The following TRRAP variants were observed in gnomAD, a reference collection of about 807,000 sequenced individuals.
TRRAP encodes transformation/transcription domain-associated protein.
Under a neutral mutation model 438.8 loss-of-function variants are expected in TRRAP, and 41 were observed. That is an observed-to-expected ratio of 0.09 (90% CI 0.07 to 0.12). TRRAP has a LOEUF of 0.12. Ranked by LOEUF, TRRAP falls within the 10% of genes least tolerant of loss-of-function variation. The pLI, the probability that TRRAP is intolerant of heterozygous loss-of-function variation, is 1.00. For synonymous variants in TRRAP, 1,994 were observed against 1,962.9 expected (o/e 1.02, Z -0.42); for missense variants, 3,122 against 5,055.1 (o/e 0.62, Z 11.60).
chr7:98,973,445 C>T (rs1458727242), intron 53 of TRRAP, among the ~76,000 whole-genome samples: 1 of 152,188 alleles, frequency 6.6e-6, no homozygotes, highest in Non-Finnish European at 1.5e-5. Context: ...GAAGTTCTAG[C>T]AGTATGTTGT....
chr7:98,975,562 C>A (rs539513222), intron 53 of TRRAP, among the ~76,000 whole-genome samples: 2 of 152,320 alleles, frequency 1.3e-5, no homozygotes, highest in African/African-American at 4.8e-5. Context: ...CCTCCAGGCC[C>A]TCAGTTTCGA....
chr7:98,915,614 A>G, intron 18 of TRRAP, 109 bp from the exon 19 acceptor site: 2 of 1,379,726 alleles, frequency 1.4e-6, no homozygotes, highest in African/African-American at 1.5e-5. Flanking sequence ...GAGTAAACAC[A>G]TCAGAATTGC....
In TRRAP at chr7:99,012,115, T is replaced by C. The variant is rs1010750386; in HGVS notation, c.11382T>C (p.Ala3794=). The part of the protein sequence containing the change: ...LKTVLRDEII[A]WHKKTQEDTS... ...CGGTTCTCCGGGACGAGATCATTGC[T>C]TGGCACAAAAAAACACAAGAGGACA... is the stretch of plus-strand genomic sequence containing the variant. The change falls in exon 73 of 73, where the codon GCT becomes GCC. Residue 3794 remains alanine, a synonymous_variant. Coordinates refer to ENST00000456197, the MANE Select transcript of TRRAP (RefSeq NM_001375524.1). The surrounding 1 kb of genome is among the most constrained non-coding windows in gnomAD (Gnocchi z 5.9). 1 of 1,614,030 alleles carries C rather than the reference T, an allele frequency of 6.2e-7. No individual in the cohort carries two copies. Among genetic ancestry groups the C allele is most frequent in the Non-Finnish European group, 8.5e-7 (1 of 1,180,028 alleles).
In TRRAP at chr7:98,949,367, C is replaced by T. The variant is rs199912965; in HGVS notation, c.4789-50C>T. The T allele has an allele frequency of 2.6e-4, 373 of 1,440,524 alleles. 2 individuals are homozygous for T. In the African/African-American group the frequency reaches 4.6e-3, roughly 18 times the overall value. The allele number at this position is 1,440,524 out of a possible 1,614,324, so 89.2% of individuals were successfully genotyped here. A position where few individuals can be genotyped will look rare whatever the true frequency, so the allele number is the denominator to read the frequency against. ...TTTAACATTCATATCCTCTAACTTT[C>T]TGTGAGTTTGATTAGCTTAAAACGG... On this transcript the variant is annotated intron_variant, in intron 35 of 72. Transcript: ENST00000456197.
chr7:98,945,822 T>G, intron 32 of TRRAP, 22 bp downstream of exon 32: 2 of 1,596,512 alleles, frequency 1.3e-6, no homozygotes, highest in Non-Finnish European at 1.7e-6. Flanking sequence ...CTATTAACAG[T>G]CAGTTTCTGA....
At chr7:98,892,885 A>G (rs1554405143) in intron 5 of TRRAP, among the ~76,000 whole-genome samples, 3 of 152,104 alleles carry the variant, frequency 2.0e-5, no homozygotes, top group East Asian at 1.9e-4. Context: ...ACATGCTCAT[A>G]AAGAGTATCT....
rs781879192 is a variant in TRRAP, at chr7:98,911,281, T to C, written c.2007+10T>C. On this transcript the variant is annotated intron_variant, in intron 17 of 72. Coordinates refer to ENST00000456197, the MANE Select transcript of TRRAP (RefSeq NM_001375524.1). ...AAATTATGCTCTTCAGGTATAAAACTCCTTTTTTTATGTTGTTTGAACATT... is the reference window on the plus strand; with the variant it reads ...AAATTATGCTCTTCAGGTATAAAACCCCTTTTTTTATGTTGTTTGAACATT... 6.3e-7 allele frequency: 1 copy of C among 1,593,444 alleles called. No homozygotes were observed. Among genetic ancestry groups the C allele is most frequent in the Non-Finnish European group, 8.5e-7 (1 of 1,169,702 alleles).
Position 98,976,488 on chromosome 7 carries a change from C to A in TRRAP, c.7965C>A (p.Leu2655=), listed in dbSNP as rs549516963. 6.2e-7 allele frequency: 1 copy of A among 1,607,286 alleles called. No individual in the cohort carries two copies. Among genetic ancestry groups the A allele is most frequent in the East Asian group, 2.2e-5 (1 of 44,820 alleles). ...KILSDRQQHA[L]AGEISPFLCS... ...GACATGTGCTTTGGTTTCAGGCACT[C>A]GCGGGTGAGATAAGTCCATTTCTGT... Residue 2655 remains leucine, a synonymous_variant, in exon 55 of 73, where the codon CTC becomes CTA. Transcript: ENST00000456197. This position sits in a 1 kb window ranked among gnomAD's most constrained non-coding sequence, Gnocchi z 4.6.
intron 33 of TRRAP, among the ~76,000 whole-genome samples, chr7:98,946,489 CACAT>C (rs1791068448): frequency 6.6e-6 from 1 of 151,738 alleles, no homozygotes; most frequent in Admixed American, 6.6e-5. Flanking sequence ...ACTCACACCA[CACAT>C]GCACACACAC....
In TRRAP at chr7:98,978,202, T is replaced by A. The variant is rs1792757717; in HGVS notation, c.8386-9T>A. The A allele has an allele frequency of 6.2e-7, 1 of 1,605,122 alleles. No homozygotes were observed. Among genetic ancestry groups the A allele is most frequent in the Non-Finnish European group, 8.5e-7 (1 of 1,175,140 alleles). On this transcript the variant is annotated splice_polypyrimidine_tract_variant and intron_variant, in intron 56 of 72. Coordinates refer to ENST00000456197, the MANE Select transcript of TRRAP (RefSeq NM_001375524.1). ...TAAACAGTGATTTAAAAACATTAACTTTTTTTAGGCACAAGAATCCTATGA... is the reference window on the plus strand; with the variant it reads ...TAAACAGTGATTTAAAAACATTAACATTTTTTAGGCACAAGAATCCTATGA...
intron 67 of TRRAP, among the ~76,000 whole-genome samples, chr7:98,995,245 C>T (rs1195565930): frequency 2.0e-5 from 3 of 151,646 alleles, no homozygotes; most frequent in Non-Finnish European, 4.4e-5. Flanking sequence ...GAGATGGGGC[C>T]GGGTGAGCCG....
chr7:98,979,026 G>A, intron 58 of TRRAP, 122 bp downstream of exon 58: 1 of 1,280,922 alleles, frequency 7.8e-7, no homozygotes, highest in African/African-American at 1.5e-5. Flanking sequence ...CTTTTGGGAA[G>A]GAAAGGTTCC....
At chr7:98,890,548 T>C in intron 4 of TRRAP, 103 bp downstream of exon 4, 1 of 805,106 alleles carries the variant, frequency 1.2e-6, no homozygotes, top group Non-Finnish European at 1.8e-6. Context: ...ACGAAAGAGG[T>C]TTTGTCACAT....
At chr7:98,992,403 GTC>G (rs1196132904) in intron 65 of TRRAP, among the ~76,000 whole-genome samples, 176 bp downstream of exon 65, 2 of 152,230 alleles carry the variant, frequency 1.3e-5, no homozygotes, top group African/African-American at 2.4e-5. Context: ...TCTGAGTACA[GTC>G]TCTCTTTTGC....
chr7:98,917,470 C>T lies in TRRAP; in HGVS notation c.2413C>T (p.Leu805Phe), dbSNP rs1562940289. ...CCTGCACAAGCAGCACATGAAGGAC[C>T]TCTTTGTGGAGCTGTGTCTCACCGT... is the stretch of plus-strand genomic sequence containing the variant. The part of the protein sequence containing the change: ...SGLHKQHMKD[L>F]FVELCLTVPV... Residue 805 changes from leucine to phenylalanine, a missense_variant, in exon 20 of 73, where the codon CTC becomes TTC. This residue lies in a region of TRRAP where 20 missense variants were observed against 100.7 expected (regional missense o/e 0.20). Coordinates refer to ENST00000456197, the MANE Select transcript of TRRAP (RefSeq NM_001375524.1). 6.2e-7 allele frequency: 1 copy of T among 1,614,052 alleles called. No homozygotes were observed. The highest frequency in any genetic ancestry group is 8.5e-7 in the Non-Finnish European group (1 of 1,180,040).
Position 98,937,646 on chromosome 7 carries a change from A to G in TRRAP, c.4234-4A>G. 1 of 1,592,234 alleles carries G rather than the reference A, an allele frequency of 6.3e-7. No homozygotes were observed. The highest frequency in any genetic ancestry group is 1.2e-5 in the South Asian group (1 of 86,438). Reference sequence around the variant, plus strand: ...TTTTCTTTACAACTTTTCTTTTTTAATAGTTTTTAGAAGGTGCTACCATAG... The same window carrying G: ...TTTTCTTTACAACTTTTCTTTTTTAGTAGTTTTTAGAAGGTGCTACCATAG... On this transcript the variant is annotated splice_region_variant and splice_polypyrimidine_tract_variant and intron_variant, in intron 29 of 72. Transcript: ENST00000456197.
At chr7:98,966,133 C>T (rs1792141959) in intron 49 of TRRAP, among the ~76,000 whole-genome samples, 1 of 151,930 alleles carries the variant, frequency 6.6e-6, no homozygotes, top group Non-Finnish European at 1.5e-5. Context: ...GGTGAAACCC[C>T]GTCTCTACTA....
In TRRAP at chr7:99,012,038, A is replaced by G. The variant is rs767575713; in HGVS notation, c.11338-33A>G. ...TGCCCCTGTGGGCTGTTCTTGGTTAAACACAAGTCGTCTCGTTCTCTCCCT... is the reference window on the plus strand; with the variant it reads ...TGCCCCTGTGGGCTGTTCTTGGTTAGACACAAGTCGTCTCGTTCTCTCCCT... On this transcript the variant is annotated intron_variant, in intron 72 of 72. Coordinates refer to ENST00000456197, the MANE Select transcript of TRRAP (RefSeq NM_001375524.1). This position sits in a 1 kb window ranked among gnomAD's most constrained non-coding sequence, Gnocchi z 5.9. 6.2e-7 allele frequency: 1 copy of G among 1,603,166 alleles called. No homozygotes were observed. Among genetic ancestry groups the G allele is most frequent in the Non-Finnish European group, 8.5e-7 (1 of 1,172,510 alleles).
At chr7:98,885,841 G>C (rs1401992619) in intron 3 of TRRAP, among the ~76,000 whole-genome samples, 2 of 152,208 alleles carry the variant, frequency 1.3e-5, no homozygotes, top group Non-Finnish European at 2.9e-5. Flanking sequence ...AGGGCACCAA[G>C]TGTGGACATA....
Sources: gnomAD v4.1 joint callset for allele counts (sites outside exome capture counted in the v4.1 genomes callset) on GRCh38, gnomAD v4.1.1 for gene constraint, gnomAD v4.1.1 regional missense constraint, Gnocchi (gnomAD v3.1) non-coding constraint, MANE v1.5 for transcripts, NCBI Gene and HGNC (gene_info 2026-07-23, HGNC 2026-07-21) for gene names.